The following FRMD4A variants were observed in gnomAD, a reference collection of about 807,000 sequenced individuals.
The protein encoded by FRMD4A is FERM domain-containing protein 4A.
Under a neutral mutation model 129.1 loss-of-function variants are expected in FRMD4A, and 29 were observed. That is an observed-to-expected ratio of 0.22 (90% CI 0.17 to 0.31). The LOEUF (loss-of-function observed/expected upper bound fraction) is 0.31, where lower values mean the gene tolerates loss of function less well. Among genes scored for constraint, FRMD4A ranks in the 10% least tolerant of loss-of-function variants. FRMD4A has a pLI of 1.00. For missense variants in FRMD4A, 1,272 were observed against 1,375.8 expected, an observed-to-expected ratio of 0.92 and a Z score of 1.19; for synonymous variants, 634 against 571.6, an observed-to-expected ratio of 1.11 and a Z score of -1.56.
At chr10:14,292,279 A>G (rs1278745099) in intron 2 of FRMD4A, among the ~76,000 whole-genome samples, 1 of 152,254 alleles carries the variant, frequency 6.6e-6, no homozygotes, top group East Asian at 1.9e-4. Context: ...ACAGTGAGAT[A>G]CTGGCATGTG....
chr10:13,950,870 G>A (rs1193468595), intron 2 of FRMD4A, among the ~76,000 whole-genome samples: 1 of 152,138 alleles, frequency 6.6e-6, no homozygotes, highest in Non-Finnish European at 1.5e-5. Context: ...CTTCTCTCTT[G>A]CCATGGAGAA....
intron 2 of FRMD4A, among the ~76,000 whole-genome samples, chr10:13,964,402 T>TG (rs2095469830): frequency 6.6e-6 from 1 of 151,058 alleles, no homozygotes; most frequent in Non-Finnish European, 1.5e-5. Context: ...TAATTCAGAT[T>TG]GTTGGTCTTA....
At chr10:13,911,806 C>A (rs1419698698) in intron 2 of FRMD4A, among the ~76,000 whole-genome samples, 1 of 152,176 alleles carries the variant, frequency 6.6e-6, no homozygotes, top group Non-Finnish European at 1.5e-5. Flanking sequence ...AGGTAATCCA[C>A]CTGCCTCGGC....
chr10:13,712,952 C>T (rs1171195601), intron 12 of FRMD4A, among the ~76,000 whole-genome samples: 5 of 152,208 alleles, frequency 3.3e-5, no homozygotes, highest in Admixed American at 6.5e-5. Flanking sequence ...GGCTTTGGCT[C>T]CACTGGACTT....
rs61833212 is a variant in FRMD4A at position 13,665,113 on chromosome 10, C to A, written c.1603+984G>T. 8.5e-3 allele frequency among the ~76,000 whole-genome samples: 1,289 copies of A among 152,246 alleles called. 9 individuals are homozygous for A. Among genetic ancestry groups the A allele is most frequent in the Non-Finnish European group, 0.013 (915 of 68,016 alleles). ...TCTTGAACTCCCGACCTCAGGTGAT[C>A]CGCCCGCCTCAGCCTCCCAAAGTGC... is the stretch of plus-strand genomic sequence containing the variant. On this transcript the variant is annotated intron_variant, in intron 18 of 24. Coordinates refer to ENST00000357447, the MANE Select transcript of FRMD4A (RefSeq NM_018027.5).
chr10:13,833,003 T>C (rs2093814516), intron 3 of FRMD4A, among the ~76,000 whole-genome samples: 1 of 152,228 alleles, frequency 6.6e-6, no homozygotes, highest in Non-Finnish European at 1.5e-5. Flanking sequence ...ATTAGAATGC[T>C]GATGCCTTTC....
chr10:13,693,704 C>CTTTTTTTTTTTTT, intron 15 of FRMD4A, 194 bp downstream of exon 15: 1 of 702,980 alleles, frequency 1.4e-6, no homozygotes, highest in Admixed American at 2.4e-5. Flanking sequence ...TTTTTTTTCC[C>CTTTTTTTTTTTTT]TTCCACTATT....
intron 3 of FRMD4A, among the ~76,000 whole-genome samples, chr10:13,851,459 A>C (rs2094138888): frequency 6.6e-6 from 1 of 152,158 alleles, no homozygotes; most frequent in African/African-American, 2.4e-5. Flanking sequence ...CAGCGAGAGA[A>C]GCTTCACCTA....
chr10:14,118,476 G>A (rs891447112), intron 2 of FRMD4A, among the ~76,000 whole-genome samples: 3 of 152,192 alleles, frequency 2.0e-5, no homozygotes, highest in Non-Finnish European at 4.4e-5. Context: ...TTTGTTTTCT[G>A]GCACAGGCAT....
chr10:14,028,738 A>C (rs1042779352), intron 2 of FRMD4A, among the ~76,000 whole-genome samples: 3 of 152,112 alleles, frequency 2.0e-5, no homozygotes, highest in African/African-American at 7.2e-5. Flanking sequence ...AAGGGCAATG[A>C]GTGAGAATGA....
chr10:13,858,853 T>G lies in FRMD4A; in HGVS notation c.105A>C (p.Leu35=), dbSNP rs140383155. The change falls in exon 3 of 25, where the codon CTA becomes CTC. Residue 35 remains leucine, a synonymous_variant. Coordinates refer to ENST00000357447, the MANE Select transcript of FRMD4A (RefSeq NM_018027.5). ...HLLDDRKLEL[L]VQPKLLAKEL... Reference sequence around the variant, plus strand: ...TTGACCAAAAGCGATTTACCTGTACTAGGAGTTCCAGCTTCCTGTCATCAA... The same window carrying G: ...TTGACCAAAAGCGATTTACCTGTACGAGGAGTTCCAGCTTCCTGTCATCAA... The G allele has an allele frequency of 6.2e-4, 979 of 1,590,250 alleles. No homozygotes were observed. Among genetic ancestry groups the G allele is most frequent in the Non-Finnish European group, 7.9e-4 (915 of 1,158,302 alleles).
intron 15 of FRMD4A, among the ~76,000 whole-genome samples, chr10:13,688,690 G>A (rs73590439): frequency 0.088 from 13,426 of 151,928 alleles, 980 homozygotes; most frequent in African/African-American, 0.2. Flanking sequence ...GGCATTGGTA[G>A]GTATGGATAT....
rs150364509 is a variant in FRMD4A, at chr10:14,025,848, A to T, written c.46-166936T>A. Among the ~76,000 whole-genome samples, 705 of 152,298 alleles carry T rather than the reference A, an allele frequency of 4.6e-3. 12 individuals carry two copies. The highest frequency in any genetic ancestry group is 0.016 in the African/African-American group (668 of 41,568). On this transcript the variant is annotated intron_variant, in intron 2 of 24. Coordinates refer to ENST00000357447, the MANE Select transcript of FRMD4A (RefSeq NM_018027.5). Reference sequence around the variant, plus strand: ...TGTCCTCAAGGTTCACCCACGGGGTAGCCTGTGTCGGACTTTCTTCCCTTT... The same window carrying T: ...TGTCCTCAAGGTTCACCCACGGGGTTGCCTGTGTCGGACTTTCTTCCCTTT...
At chr10:13,910,369 C>G (rs757851129) in intron 2 of FRMD4A, among the ~76,000 whole-genome samples, 7 of 152,136 alleles carry the variant, frequency 4.6e-5, no homozygotes, top group Non-Finnish European at 1.0e-4. Context: ...GGGAGAGAAC[C>G]CAGCTGACAT....
chr10:14,215,257 G>C (rs568414614), intron 2 of FRMD4A, among the ~76,000 whole-genome samples: 1 of 152,238 alleles, frequency 6.6e-6, no homozygotes, highest in Admixed American at 6.5e-5. Context: ...CGAAAAACAA[G>C]CCAGGCCCTA....
At chr10:13,830,090 C>G (rs1431153786) in intron 3 of FRMD4A, among the ~76,000 whole-genome samples, 1 of 152,208 alleles carries the variant, frequency 6.6e-6, no homozygotes, top group Non-Finnish European at 1.5e-5. Flanking sequence ...TACATGTTCT[C>G]TCTGGAGGAG....
At chr10:13,861,471 T>A (rs576275344) in intron 2 of FRMD4A, among the ~76,000 whole-genome samples, 1 of 152,276 alleles carries the variant, frequency 6.6e-6, no homozygotes, top group East Asian at 1.9e-4. Context: ...GGGGCTAATC[T>A]CAATGTCTCT....
intron 2 of FRMD4A, among the ~76,000 whole-genome samples, chr10:14,049,354 C>T (rs949206917): frequency 2.0e-5 from 3 of 152,048 alleles, no homozygotes; most frequent in Non-Finnish European, 4.4e-5. Context: ...GTGGGGTTTT[C>T]CAAACAGGTT....
intron 15 of FRMD4A, among the ~76,000 whole-genome samples, chr10:13,688,573 A>C (rs2085332703): frequency 6.6e-6 from 1 of 152,074 alleles, no homozygotes; most frequent in African/African-American, 2.4e-5. Context: ...TTTACTATTA[A>C]AAAAAAGAAT....
Sources: gnomAD v4.1 joint callset for allele counts (sites outside exome capture counted in the v4.1 genomes callset) on GRCh38, gnomAD v4.1.1 for gene constraint, MANE v1.5 for transcripts, NCBI Gene and HGNC (gene_info 2026-07-23, HGNC 2026-07-21) for gene names.